The following TBX15 variants were observed in gnomAD, a reference collection of about 807,000 sequenced individuals.
TBX15 encodes the protein T-box transcription factor TBX15.
Under a neutral mutation model 53.9 loss-of-function variants are expected in TBX15, and 18 were observed. The observed-to-expected ratio is 0.33, with a 90% CI of 0.23 to 0.49. The LOEUF (loss-of-function observed/expected upper bound fraction) is 0.49. Ranked by LOEUF, TBX15 falls within the 20% of genes least tolerant of loss-of-function variation. The pLI, the probability that TBX15 is intolerant of heterozygous loss-of-function variation, is 0.98. For synonymous variants in TBX15, 295 were observed against 278.0 expected, an observed-to-expected ratio of 1.06 and a Z score of -0.61; for missense variants, 692 against 749.5, an observed-to-expected ratio of 0.92 and a Z score of 0.90.
chr1:118,977,243 G>T (rs933554297), intron 1 of TBX15, among the ~76,000 whole-genome samples: 8 of 152,142 alleles, frequency 5.3e-5, no homozygotes, highest in African/African-American at 1.9e-4. Context: ...TAATAAGATA[G>T]AGTATTTTGT....
Position 118,923,509 on chromosome 1 carries a change from A to G in TBX15, c.788T>C (p.Val263Ala). The G allele has an allele frequency of 6.2e-7, 1 of 1,613,998 alleles. No individual in the cohort carries two copies. The highest frequency in any genetic ancestry group is 2.2e-5 in the East Asian group (1 of 44,864). Residue 263 changes from valine (V) to alanine (A), a missense_variant, in exon 5 of 8, where the codon GTT (valine) becomes GCT (alanine). Transcript: ENST00000369429. ...SDLSPTKPVP[V>A]GDGVKTFNFP... ...GTTGAACGTTTTCACCCCATCCCCAACAGGAACAGGCTTAGTGGGTGAAAG... is the reference window on the plus strand; with the variant it reads ...GTTGAACGTTTTCACCCCATCCCCAGCAGGAACAGGCTTAGTGGGTGAAAG...
intron 1 of TBX15, among the ~76,000 whole-genome samples, chr1:118,951,861 G>A (rs1656525903): frequency 1.3e-5 from 2 of 152,190 alleles, no homozygotes; most frequent in Admixed American, 1.3e-4. Context: ...CCTGGGCAAG[G>A]GTGGGAGGGC....
At chr1:118,894,996 G>A (rs891826261) in intron 7 of TBX15, among the ~76,000 whole-genome samples, 19 of 152,108 alleles carry the variant, frequency 1.2e-4, no homozygotes, top group Non-Finnish European at 2.4e-4. Context: ...AATGAGATCT[G>A]TATAAATCAG....
At chr1:118,934,600 A>G (rs1655904306) in intron 1 of TBX15, among the ~76,000 whole-genome samples, 1 of 152,256 alleles carries the variant, frequency 6.6e-6, no homozygotes, top group South Asian at 2.1e-4. Context: ...CAAAGTACAC[A>G]ATGGGACCTC....
chr1:118,977,311 A>G (rs764856439), intron 1 of TBX15, among the ~76,000 whole-genome samples: 5 of 152,260 alleles, frequency 3.3e-5, no homozygotes, highest in Admixed American at 1.3e-4. Flanking sequence ...ATATATATAT[A>G]TAGCACAGGG....
At chr1:118,917,139 T>C (rs1571171932) in intron 5 of TBX15, among the ~76,000 whole-genome samples, 1 of 152,128 alleles carries the variant, frequency 6.6e-6, no homozygotes, top group African/African-American at 2.4e-5. Flanking sequence ...TGTAGCACTA[T>C]TCACAATAAC....
In TBX15 at chr1:118,988,132, T is replaced by C. The variant is rs12756433; in HGVS notation, c.-337A>G. 229 of 355,414 alleles carry C rather than the reference T, an allele frequency of 6.4e-4. 1 individual carries two copies. Among genetic ancestry groups the C allele is most frequent in the Non-Finnish European group, 1.0e-3 (208 of 198,466 alleles). 22.0% of individuals were successfully genotyped at this position (355,414 alleles called of 1,614,324 possible). ...CTGAACTTCATCTTGTTTTTGTTATTATTATTATTCTCTCTCCTCTCTCTC... is the reference window on the plus strand; with the variant it reads ...CTGAACTTCATCTTGTTTTTGTTATCATTATTATTCTCTCTCCTCTCTCTC... On this transcript the variant is annotated 5_prime_UTR_variant, in exon 1 of 8. The change creates a new upstream start codon in the 5' untranslated region. Transcript: ENST00000369429.
At position 118,931,793 on chromosome 1, in the gene TBX15, G is replaced by A; in HGVS notation, c.245C>T (p.Thr82Ile). 6.2e-7 allele frequency: 1 copy of A among 1,601,276 alleles called. No individual in the cohort carries two copies. The highest frequency in any genetic ancestry group is 1.1e-5 in the South Asian group (1 of 89,684). Residue 82 changes from threonine (T) to isoleucine (I), a missense_variant, in exon 2 of 8, where the codon ACT (threonine) becomes ATT (isoleucine). By Grantham distance (89) the Thr-to-Ile change is moderately conservative. Transcript: ENST00000369429. ...ACTGAAGGAGCAGGAAGTCCGCTCA[G>A]TGAGGACCTCAGAATCTGAACCAGT... ...QSTGSDSEVL[T>I]ERTSCSFSTH...
chr1:118,896,381 T>G (rs1654424193), intron 7 of TBX15, among the ~76,000 whole-genome samples: 1 of 152,196 alleles, frequency 6.6e-6, no homozygotes, highest in African/African-American at 2.4e-5. Context: ...CTTCAAAGTT[T>G]TATCAGCAGA....
intron 7 of TBX15, among the ~76,000 whole-genome samples, chr1:118,885,996 C>T (rs1653929969): frequency 6.6e-6 from 1 of 152,088 alleles, no homozygotes; most frequent in Non-Finnish European, 1.5e-5. Flanking sequence ...GTCTTCCAGC[C>T]AAACATGCAG....
At chr1:118,899,806 G>T (rs1226105909) in intron 6 of TBX15, among the ~76,000 whole-genome samples, 1 of 152,148 alleles carries the variant, frequency 6.6e-6, no homozygotes, top group East Asian at 1.9e-4. Flanking sequence ...CTAATAATCA[G>T]TCTGGTCTTT....
intron 1 of TBX15, among the ~76,000 whole-genome samples, chr1:118,957,053 C>T (rs1656716554): frequency 1.3e-5 from 2 of 152,022 alleles, no homozygotes; most frequent in Admixed American, 6.5e-5. Flanking sequence ...CTGAAGATTC[C>T]GAATGGGTTC....
intron 3 of TBX15, among the ~76,000 whole-genome samples, chr1:118,926,098 A>T (rs1259840814): frequency 6.6e-6 from 1 of 152,092 alleles, no homozygotes; most frequent in Non-Finnish European, 1.5e-5. Flanking sequence ...CCTCTCCATC[A>T]TCTATGGGGC....
At chr1:118,924,046 T>C (rs1046675997) in intron 4 of TBX15, among the ~76,000 whole-genome samples, 4 of 152,214 alleles carry the variant, frequency 2.6e-5, no homozygotes, top group African/African-American at 7.2e-5. Flanking sequence ...AAATGGTAGA[T>C]ATGGGTTTTC....
At chr1:118,938,389 C>T (rs115277817) in intron 1 of TBX15, among the ~76,000 whole-genome samples, 1,939 of 152,282 alleles carry the variant, frequency 0.013, 38 homozygotes, top group African/African-American at 0.042. Flanking sequence ...TAACAAGCAG[C>T]ACCTCTCTCA....
intron 2 of TBX15, among the ~76,000 whole-genome samples, chr1:118,927,091 G>C (rs940674835): frequency 6.6e-6 from 1 of 152,032 alleles, no homozygotes; most frequent in African/African-American, 2.4e-5. Context: ...TCTCAAAGTT[G>C]ACTAATTTTT....
rs189951465 is a variant in TBX15, at chr1:118,952,093, C to T, written c.206-20261G>A. The stretch of plus-strand genomic sequence containing the variant: ...CTCTTCCTCCTCCTCTTCAGCTACT[C>T]AATGTGAAAACAATAAGGATGAAGG... On this transcript the variant is annotated intron_variant, in intron 1 of 7. Coordinates refer to ENST00000369429, the MANE Select transcript of TBX15 (RefSeq NM_001330677.2). Among the ~76,000 whole-genome samples the T allele has an allele frequency of 2.2e-4, 34 of 152,280 alleles. No homozygotes were observed. The East Asian group carries it at 6.0e-3, about 27-fold the overall frequency.
intron 7 of TBX15, among the ~76,000 whole-genome samples, chr1:118,891,875 T>A (rs923546778): frequency 6.6e-6 from 1 of 152,216 alleles, no homozygotes; most frequent in South Asian, 2.1e-4. Flanking sequence ...CCAATGAGTT[T>A]CTTTTTTGCT....
At chr1:118,960,819 G>C in intron 1 of TBX15, among the ~76,000 whole-genome samples, 1 of 152,278 alleles carries the variant, frequency 6.6e-6, no homozygotes. Context: ...GAAGGGAGGA[G>C]GGAGGGCAGA....
Sources: gnomAD v4.1 joint callset for allele counts (sites outside exome capture counted in the v4.1 genomes callset) on GRCh38, gnomAD v4.1.1 for gene constraint, MANE v1.5 for transcripts, NCBI Gene and HGNC (gene_info 2026-07-23, HGNC 2026-07-21) for gene names.